The following PARP8 variants were observed in gnomAD, a reference collection of about 807,000 sequenced individuals.
PARP8 encodes poly(ADP-ribose) polymerase family member 8, also known as protein mono-ADP-ribosyltransferase PARP8.
Under a neutral mutation model 124.1 loss-of-function variants are expected in PARP8, and 51 were observed. That is an observed-to-expected ratio of 0.41 (90% confidence interval 0.33 to 0.52). PARP8 has a LOEUF of 0.52. Ranked by LOEUF, PARP8 falls within the 20% of genes least tolerant of loss-of-function variation. PARP8 has a pLI of 0.21. For synonymous variants in PARP8, 391 were observed against 361.5 expected (o/e 1.08, Z -0.93); for missense variants, 860 against 1,018.9 (o/e 0.84, Z 2.12).
At chr5:50,688,769 A>C (rs918770265) in intron 2 of PARP8, among the ~76,000 whole-genome samples, 1 of 152,202 alleles carries the variant, frequency 6.6e-6, no homozygotes, top group African/African-American at 2.4e-5. Context: ...CTTTACTGAA[A>C]GAAAACCTGC....
chr5:50,748,680 CA>C (rs1189153856), intron 2 of PARP8, among the ~76,000 whole-genome samples: 5 of 152,148 alleles, frequency 3.3e-5, no homozygotes, highest in Non-Finnish European at 7.4e-5. Context: ...CTCCCCTCCC[CA>C]AAAGTCAACA....
intron 2 of PARP8, among the ~76,000 whole-genome samples, chr5:50,709,905 T>G (rs1754558866): frequency 7.6e-6 from 1 of 132,374 alleles, no homozygotes; most frequent in Non-Finnish European, 1.6e-5. Flanking sequence ...ACTATGAGAA[T>G]ATGAGGTAGA....
At chr5:50,759,779 A>G (rs758611477) in intron 4 of PARP8, 47 bp downstream of exon 4, 1 of 1,516,204 alleles carries the variant, frequency 6.6e-7, no homozygotes, top group Admixed American at 2.4e-5. Context: ...TTTAAATTGC[A>G]TTATCTTTTT....
chr5:50,777,143 G>A (rs1251313524), intron 7 of PARP8, among the ~76,000 whole-genome samples: 1 of 152,146 alleles, frequency 6.6e-6, no homozygotes, highest in Non-Finnish European at 1.5e-5. Context: ...ATAGAGTGAT[G>A]ATTGATAAGT....
At chr5:50,817,887 T>G (rs1182145559) in intron 15 of PARP8, among the ~76,000 whole-genome samples, 1 of 152,110 alleles carries the variant, frequency 6.6e-6, no homozygotes, top group Non-Finnish European at 1.5e-5. Context: ...CCAGTTGAAT[T>G]GTAGGTAATG....
chr5:50,807,238 A>G (rs1743952549), intron 14 of PARP8, among the ~76,000 whole-genome samples: 1 of 151,958 alleles, frequency 6.6e-6, no homozygotes, highest in Admixed American at 6.6e-5. Context: ...CAATACAGGG[A>G]ACTAAACTAC....
rs1461613815 is a variant in PARP8, at chr5:50,797,037, G to A, written c.1479+5G>A. 7 of 1,612,950 alleles carry A rather than the reference G, an allele frequency of 4.3e-6. No individual in the cohort carries two copies. The highest frequency in any genetic ancestry group is 5.9e-6 in the Non-Finnish European group (7 of 1,179,328). On this transcript the variant is annotated splice_donor_5th_base_variant and intron_variant, in intron 13 of 25. Coordinates refer to ENST00000281631, the MANE Select transcript of PARP8 (RefSeq NM_024615.4). ...GACCGTGGCTTCCTGGTGCAGGTAT[G>A]AGCCAAAACTCTATCCATTGTACAA...
chr5:50,723,429 A>G (rs1756110664), intron 2 of PARP8, among the ~76,000 whole-genome samples: 1 of 152,080 alleles, frequency 6.6e-6, no homozygotes, highest in African/African-American at 2.4e-5. Flanking sequence ...GGCAATTACA[A>G]TATTAATATG....
intron 25 of PARP8, among the ~76,000 whole-genome samples, chr5:50,837,161 G>T (rs1747674013): frequency 6.6e-6 from 1 of 152,092 alleles, no homozygotes; most frequent in South Asian, 2.1e-4. Flanking sequence ...AGTACACTCA[G>T]ATACTTCCTA....
intron 2 of PARP8, among the ~76,000 whole-genome samples, chr5:50,703,733 A>G (rs569847426): frequency 2.2e-4 from 34 of 152,210 alleles, no homozygotes; most frequent in Admixed American, 1.9e-3. Flanking sequence ...CAATGCAGGG[A>G]GACCCTATCC....
intron 2 of PARP8, among the ~76,000 whole-genome samples, chr5:50,672,332 T>C (rs1364472827): frequency 1.3e-5 from 2 of 152,218 alleles, no homozygotes; most frequent in Non-Finnish European, 2.9e-5. Flanking sequence ...CCTAGCACAC[T>C]GTCTAGCCCA....
At chr5:50,815,289 T>C (rs1744974279) in intron 14 of PARP8, 143 bp from the exon 15 acceptor site, 1 of 521,980 alleles carries the variant, frequency 1.9e-6, no homozygotes, top group Non-Finnish European at 3.3e-6. Context: ...TAAGAATTTA[T>C]TTCGTATTAA....
At chr5:50,704,907 A>G (rs764881351) in intron 2 of PARP8, among the ~76,000 whole-genome samples, 1 of 152,198 alleles carries the variant, frequency 6.6e-6, no homozygotes, top group Non-Finnish European at 1.5e-5. Flanking sequence ...AAGAGTTGCA[A>G]GATTACTCTA....
At chr5:50,728,423 T>G (rs1351680133) in intron 2 of PARP8, among the ~76,000 whole-genome samples, 1 of 152,208 alleles carries the variant, frequency 6.6e-6, no homozygotes, top group Non-Finnish European at 1.5e-5. Context: ...CTTTTAAAAT[T>G]GACATCATTT....
At chr5:50,737,517 A>G (rs1478255382) in intron 2 of PARP8, among the ~76,000 whole-genome samples, 1 of 152,172 alleles carries the variant, frequency 6.6e-6, no homozygotes, top group Non-Finnish European at 1.5e-5. Context: ...AAAATTCAGA[A>G]TTAAATATAG....
intron 25 of PARP8, among the ~76,000 whole-genome samples, chr5:50,835,582 T>C (rs1331926954): frequency 6.6e-6 from 1 of 152,120 alleles, no homozygotes; most frequent in Non-Finnish European, 1.5e-5. Flanking sequence ...TCTGTCTCTC[T>C]AGCCATCTCT....
At chr5:50,780,504 G>A (rs1020097239) in intron 9 of PARP8, among the ~76,000 whole-genome samples, 4 of 152,152 alleles carry the variant, frequency 2.6e-5, no homozygotes, top group African/African-American at 7.2e-5. Context: ...AATCTTGAAT[G>A]TAAGGGAGAT....
intron 3 of PARP8, among the ~76,000 whole-genome samples, chr5:50,753,680 A>C (rs1280470502): frequency 1.3e-5 from 2 of 152,050 alleles, no homozygotes; most frequent in Non-Finnish European, 2.9e-5. Context: ...ATTGACTGCT[A>C]TAGGGGATGA....
Position 50,666,837 on chromosome 5 carries a change from A to C in PARP8, c.-259A>C. The C allele has an allele frequency of 7.6e-7, 1 of 1,308,902 alleles. No individual in the cohort carries two copies. The highest frequency in any genetic ancestry group is 9.8e-7 in the Non-Finnish European group (1 of 1,020,820). 81.1% of individuals were successfully genotyped at this position (1,308,902 alleles called of 1,614,324 possible). The stretch of plus-strand genomic sequence containing the variant: ...ACCATCCATTGTCAGAAGGGGAGGA[A>C]ATTGGAATCCAGCAGCGGCGAGCAG... On this transcript the variant is annotated 5_prime_UTR_variant, in exon 1 of 26. Coordinates refer to ENST00000281631, the MANE Select transcript of PARP8 (RefSeq NM_024615.4).
Sources: gnomAD v4.1 joint callset for allele counts (sites outside exome capture counted in the v4.1 genomes callset) on GRCh38, gnomAD v4.1.1 for gene constraint, MANE v1.5 for transcripts, NCBI Gene and HGNC (gene_info 2026-07-23, HGNC 2026-07-21) for gene names.